FLNB: variants seen among roughly 807,000 people sequenced by gnomAD.
The protein encoded by FLNB is filamin-B.
Under a neutral mutation model 250.6 loss-of-function variants are expected in FLNB, and 111 were observed. The ratio of observed to expected loss-of-function variants is 0.44; its 90% CI spans 0.38 to 0.52. FLNB has a LOEUF of 0.52. FLNB is among the 20% of genes least tolerant of loss of function. The pLI, the probability that FLNB is intolerant of heterozygous loss-of-function variation, is 0.00. For synonymous variants in FLNB, 1,302 were observed against 1,372.1 expected (o/e 0.95, Z 1.13); for missense variants, 2,869 against 3,447.8 (o/e 0.83, Z 4.20).
intron 1 of FLNB, among the ~76,000 whole-genome samples, chr3:58,048,013 C>T (rs1372198008): frequency 2.6e-5 from 4 of 152,198 alleles, no homozygotes; most frequent in African/African-American, 9.7e-5. Context: ...CTAACCACAG[C>T]GTCACTGCAT....
At chr3:58,137,647 C>T (rs190698518) in intron 28 of FLNB, among the ~76,000 whole-genome samples, 8 of 152,236 alleles carry the variant, frequency 5.3e-5, no homozygotes, top group African/African-American at 1.4e-4. Context: ...TGTAAAGGGG[C>T]GCCAGAAATC....
intron 41 of FLNB, 134 bp downstream of exon 41, chr3:58,156,209 A>G (rs2097353144): frequency 1.4e-6 from 1 of 697,618 alleles, no homozygotes; most frequent in South Asian, 1.6e-5. Flanking sequence ...TCACCCAGTC[A>G]CTGGGGAGCT....
At chr3:58,136,330 G>A (rs576013427) in intron 28 of FLNB, among the ~76,000 whole-genome samples, 162 bp downstream of exon 28, 65 of 152,218 alleles carry the variant, frequency 4.3e-4, no homozygotes, top group Non-Finnish European at 2.1e-4. Flanking sequence ...TTTATTTGGA[G>A]AACATTTAGA....
chr3:58,108,022 G>A (rs1322069931), intron 12 of FLNB, among the ~76,000 whole-genome samples: 1 of 152,196 alleles, frequency 6.6e-6, no homozygotes, highest in East Asian at 1.9e-4. Flanking sequence ...TTTTAGAACA[G>A]GGGTTTCCAA....
At position 58,169,456 on chromosome 3, in the gene FLNB, A is replaced by G; in HGVS notation, c.7418-134A>G. The G allele has an allele frequency of 1.3e-6, 1 of 742,102 alleles. No individual in the cohort carries two copies. The highest frequency in any genetic ancestry group is 2.5e-6 in the Non-Finnish European group (1 of 405,628). 46.0% of individuals were successfully genotyped at this position (742,102 alleles called of 1,614,324 possible). A position where few individuals can be genotyped will look rare whatever the true frequency, so the allele number is the denominator to read the frequency against. On this transcript the variant is annotated intron_variant, in intron 44 of 45. Transcript: ENST00000295956. This position sits in a 1 kb window ranked among gnomAD's most constrained non-coding sequence, Gnocchi z 4.8. The stretch of plus-strand genomic sequence containing the variant: ...AGAAGACATTATGGGTGTGAGATAC[A>G]GGTGTGGTGGCTTTTGTGTTGGGGT...
At chr3:58,076,900 G>A in intron 1 of FLNB, 146 bp from the exon 2 acceptor site, 1 of 983,964 alleles carries the variant, frequency 1.0e-6, no homozygotes, top group East Asian at 2.5e-5. Flanking sequence ...ATGTTTTGAA[G>A]CAAATTTCAG....
chr3:58,142,796 A>C lies in FLNB; in HGVS notation c.5284+44A>C. Reference sequence around the variant, plus strand: ...GGCCGTCTCATTCTCACTTGCTCTCACGAGCTTCCCAGAATGGTGCTGGGG... The same window carrying C: ...GGCCGTCTCATTCTCACTTGCTCTCCCGAGCTTCCCAGAATGGTGCTGGGG... On this transcript the variant is annotated intron_variant, in intron 31 of 45. Coordinates refer to ENST00000295956, the MANE Select transcript of FLNB (RefSeq NM_001457.4). This position sits in a 1 kb window ranked among gnomAD's most constrained non-coding sequence, Gnocchi z 4.3. 2.0e-6 allele frequency: 3 copies of C among 1,538,304 alleles called. No individual in the cohort carries two copies. The highest frequency in any genetic ancestry group is 1.1e-5 in the South Asian group (1 of 89,476).
rs146499147 is a variant in FLNB, at chr3:58,123,449, G to C, written c.3483G>C (p.Ala1161=). 4 of 1,609,874 alleles carry C rather than the reference G, an allele frequency of 2.5e-6. No homozygotes were observed. The highest frequency in any genetic ancestry group is 1.1e-5 in the South Asian group (1 of 90,900). The part of the protein sequence containing the change: ...AGLLSVDCSE[A]GPGALGLEAV... Reference sequence around the variant, plus strand: ...TCCTTAGCGTCGACTGCTCGGAAGCGGGACCGGGGGCCCTGGGCCTGGAAG... The same window carrying C: ...TCCTTAGCGTCGACTGCTCGGAAGCCGGACCGGGGGCCCTGGGCCTGGAAG... Residue 1161 remains alanine (A), a synonymous_variant, in exon 21 of 46, where the codon GCG becomes GCC. Coordinates refer to ENST00000295956, the MANE Select transcript of FLNB (RefSeq NM_001457.4).
At chr3:58,101,062 A>G (rs1296735478) in intron 8 of FLNB, among the ~76,000 whole-genome samples, 5 of 152,210 alleles carry the variant, frequency 3.3e-5, no homozygotes, top group Non-Finnish European at 1.5e-5. Flanking sequence ...TTCACAATGG[A>G]AAACCAAAGT....
chr3:58,091,955 T>C (rs1254829210), intron 4 of FLNB, among the ~76,000 whole-genome samples: 1 of 152,164 alleles, frequency 6.6e-6, no homozygotes, highest in Non-Finnish European at 1.5e-5. Flanking sequence ...GGCTAAAGAC[T>C]GGGAGAAAAA....
chr3:58,103,479 G>A (rs750317387), intron 9 of FLNB, among the ~76,000 whole-genome samples: 20 of 152,184 alleles, frequency 1.3e-4, no homozygotes, highest in Admixed American at 3.9e-4. Context: ...TGCAGATAGC[G>A]TCTGAGGACT....
intron 1 of FLNB, among the ~76,000 whole-genome samples, chr3:58,054,357 T>C (rs1384266133): frequency 6.6e-6 from 1 of 152,228 alleles, no homozygotes; most frequent in Non-Finnish European, 1.5e-5. Flanking sequence ...ACAGTGTACA[T>C]ATAAAACATT....
rs771214511 is a variant in FLNB at position 58,131,907 on chromosome 3, TA to T, written c.4391-899del. The T allele has an allele frequency of 1.8e-5, 27 of 1,516,762 alleles. 2 individuals carry two copies. The South Asian group carries it at 3.0e-4, about 17-fold the overall frequency. The allele number at this position is 1,516,762 out of a possible 1,614,324, so 94.0% of individuals were successfully genotyped here. On this transcript the variant is annotated intron_variant, in intron 25 of 45. Coordinates refer to ENST00000295956, the MANE Select transcript of FLNB (RefSeq NM_001457.4). Reference sequence around the variant, plus strand: ...GCCTCTATTATGAAGGACTCTCAAGTAACAGCCTTTTGATTTTAGCTGACGA... The same window carrying T: ...GCCTCTATTATGAAGGACTCTCAAGTACAGCCTTTTGATTTTAGCTGACGA...
intron 42 of FLNB, among the ~76,000 whole-genome samples, chr3:58,161,812 G>A (rs2097362259): frequency 6.6e-6 from 1 of 152,150 alleles, no homozygotes; most frequent in African/African-American, 2.4e-5. Flanking sequence ...GGCTGCAGCA[G>A]CACCAGATGT....
intron 19 of FLNB, among the ~76,000 whole-genome samples, chr3:58,119,669 T>C (rs1294234356): frequency 6.6e-6 from 1 of 152,246 alleles, no homozygotes; most frequent in Non-Finnish European, 1.5e-5. Context: ...AAAATGATTT[T>C]TTTATACAAG....
intron 7 of FLNB, 33 bp downstream of exon 7, chr3:58,098,010 T>A: frequency 6.2e-7 from 1 of 1,611,546 alleles, no homozygotes; most frequent in African/African-American, 1.3e-5. Context: ...ATCTGACCTT[T>A]GCGCTTTCTT....
At chr3:58,141,183 G>A (rs902289546) in intron 29 of FLNB, among the ~76,000 whole-genome samples, 4 of 152,150 alleles carry the variant, frequency 2.6e-5, no homozygotes, top group Non-Finnish European at 5.9e-5. Context: ...GGCCCAGAAG[G>A]TTGAGGCTGT....
chr3:58,138,620 A>G, intron 29 of FLNB, 91 bp downstream of exon 29: 2 of 1,541,554 alleles, frequency 1.3e-6, no homozygotes, highest in Admixed American at 1.7e-5. Context: ...TATCCTCTTC[A>G]CCTTTTTTTT....
Position 58,123,485 on chromosome 3 carries a change from C to T in FLNB, c.3519C>T (p.Asp1173=), listed in dbSNP as rs1259614699. The stretch of plus-strand genomic sequence containing the variant: ...CCCTGGGCCTGGAAGCTGTCTCGGA[C>T]TCGGGAACAAAAGCCGAAGTCAGTA... The part of the protein sequence containing the change: ...PGALGLEAVS[D]SGTKAEVSIQ... Residue 1173 remains aspartate (D), a synonymous_variant, in exon 21 of 46, where the codon GAC becomes GAT. Transcript: ENST00000295956. 6.2e-7 allele frequency: 1 copy of T among 1,603,916 alleles called. No homozygotes were observed. The highest frequency in any genetic ancestry group is 1.3e-5 in the African/African-American group (1 of 74,486).
Sources: allele counts gnomAD v4.1 joint callset (sites outside exome capture counted in the v4.1 genomes callset), GRCh38; gene constraint gnomAD v4.1.1; non-coding constraint Gnocchi (gnomAD v3.1); transcripts MANE v1.5; gene names NCBI Gene and HGNC (gene_info 2026-07-23, HGNC 2026-07-21).